MS4A4E: variants seen among roughly 807,000 people sequenced by gnomAD.
MS4A4E encodes the protein membrane spanning 4-domains A4E, also known as putative membrane-spanning 4-domains subfamily A member 4E.
A neutral mutation model predicts 13.3 loss-of-function variants in MS4A4E; 23 were observed. The observed-to-expected ratio is 1.73, with a 90% CI of 1.25 to 2.45. The LOEUF is 2.45. MS4A4E is among the 30% of genes most tolerant of loss of function. MS4A4E has a pLI of 0.00. For synonymous variants in MS4A4E, 36 were observed against 45.6 expected (o/e 0.79, Z 0.85); for missense variants, 144 against 131.2 (o/e 1.10, Z -0.48).
chr11:60,207,955 A>T (rs1443454121), intron 6 of MS4A4E, among the ~76,000 whole-genome samples: 1 of 152,190 alleles, frequency 6.6e-6, no homozygotes, highest in Non-Finnish European at 1.5e-5. Flanking sequence ...TTGTAATAGG[A>T]TAATAGAATA....
chr11:60,242,756 G>T (rs549890654), intron 1 of MS4A4E, among the ~76,000 whole-genome samples: 1 of 152,102 alleles, frequency 6.6e-6, no homozygotes, highest in Non-Finnish European at 1.5e-5. Flanking sequence ...CAACTGTAGC[G>T]AAGACTGTTC....
chr11:60,217,959 G>A (rs575521832), intron 3 of MS4A4E, among the ~76,000 whole-genome samples: 25 of 152,276 alleles, frequency 1.6e-4, no homozygotes, highest in East Asian at 1.2e-3. Context: ...TCTGACCACC[G>A]GTGAGCCGGG....
intron 6 of MS4A4E, among the ~76,000 whole-genome samples, chr11:60,208,126 C>T (rs2084071177): frequency 6.6e-6 from 1 of 152,162 alleles, no homozygotes; most frequent in Non-Finnish European, 1.5e-5. Context: ...TGATTCCCTT[C>T]TCTCAAGTGT....
At chr11:60,225,235 T>A (rs1394749980) in intron 3 of MS4A4E, 2 of 756,766 alleles carry the variant, frequency 2.6e-6, no homozygotes, top group Non-Finnish European at 3.8e-6. Context: ...ACTCTTTTTT[T>A]CACATAAAGA....
chr11:60,206,273 G>T (rs1396773635), intron 6 of MS4A4E, among the ~76,000 whole-genome samples: 2 of 151,608 alleles, frequency 1.3e-5, no homozygotes, highest in Admixed American at 6.6e-5. Flanking sequence ...TTGCCCTTCT[G>T]CTTCCAAATC....
chr11:60,212,287 T>A (rs189382381), intron 5 of MS4A4E, among the ~76,000 whole-genome samples: 7 of 151,854 alleles, frequency 4.6e-5, no homozygotes, highest in African/African-American at 1.7e-4. Flanking sequence ...TTTACTTTAT[T>A]ATTTGAGAAT....
intron 3 of MS4A4E, among the ~76,000 whole-genome samples, chr11:60,216,217 G>A (rs1267370067): frequency 6.6e-6 from 1 of 152,180 alleles, no homozygotes; most frequent in Non-Finnish European, 1.5e-5. Flanking sequence ...ACAAGAGTCT[G>A]AGTGATGACT....
At position 60,243,001 on chromosome 11, in the gene MS4A4E, A is replaced by G; in HGVS notation, c.-60T>C. On this transcript the variant is annotated 5_prime_UTR_variant, in exon 1 of 9. Coordinates refer to ENST00000651255, the MANE Select transcript of MS4A4E (RefSeq NM_001393391.1). Reference sequence around the variant, plus strand: ...TGTCTGCTGCAGGTCTGATGAGTGCAGGGCTCTGGGCAAGTTCCTCAAAGT... The same window carrying G: ...TGTCTGCTGCAGGTCTGATGAGTGCGGGGCTCTGGGCAAGTTCCTCAAAGT... 1 of 1,566,442 alleles carries G rather than the reference A, an allele frequency of 6.4e-7. No homozygotes were observed. Among genetic ancestry groups the G allele is most frequent in the Non-Finnish European group, 8.7e-7 (1 of 1,147,834 alleles).
At position 60,201,354 on chromosome 11, in the gene MS4A4E, C is replaced by T. The variant is rs1455074314; in HGVS notation, c.*189G>A. ...GCGGAGACGCTCCTCACTTCCCAGA[C>T]GGGGTGGCTGCCGGGCGGAGGGGCT... On this transcript the variant is annotated 3_prime_UTR_variant, in exon 9 of 9. Coordinates refer to ENST00000651255, the MANE Select transcript of MS4A4E (RefSeq NM_001393391.1). 68 of 178,848 alleles carry T rather than the reference C, an allele frequency of 3.8e-4. No individual in the cohort carries two copies. The highest frequency in any genetic ancestry group is 2.4e-3 in the South Asian group (23 of 9,538). The allele number at this position is 178,848 out of a possible 1,614,324, so 11.1% of individuals were successfully genotyped here. A position where few individuals can be genotyped will look rare whatever the true frequency, so the allele number is the denominator to read the frequency against.
chr11:60,201,061 G>T lies in MS4A4E; in HGVS notation c.*482C>A, dbSNP rs1202612997. 1.4e-5 allele frequency among the ~76,000 whole-genome samples: 2 copies of T among 144,272 alleles called. No homozygotes were observed. The highest frequency in any genetic ancestry group is 2.5e-5 in the African/African-American group (1 of 39,818). The allele number at this position is 144,272 out of a possible 152,430, so 94.6% of individuals were successfully genotyped here. A position where few individuals can be genotyped will look rare whatever the true frequency, so the allele number is the denominator to read the frequency against. ...TCCCAGACGTGGTGGCTGGCCGGGTGGGGGGCTGAACCCCCCACCTCCCTC... is the reference window on the plus strand; with the variant it reads ...TCCCAGACGTGGTGGCTGGCCGGGTTGGGGGCTGAACCCCCCACCTCCCTC... On this transcript the variant is annotated 3_prime_UTR_variant, in exon 9 of 9. Transcript: ENST00000651255.
rs532396302 is a variant in MS4A4E, at chr11:60,209,548, T to A, written c.382-854A>T. Among the ~76,000 whole-genome samples the A allele has an allele frequency of 2.0e-5, 3 of 152,342 alleles. No homozygotes were observed. In the East Asian group the frequency reaches 5.8e-4, roughly 29 times the overall value. ...ATTGTCTTGAGACACTAAATGATTT[T>A]ATATGGTTCTGCCTAATGATTTGTA... On this transcript the variant is annotated intron_variant, in intron 5 of 8. Transcript: ENST00000651255.
At chr11:60,210,244 T>G (rs1284356935) in intron 5 of MS4A4E, among the ~76,000 whole-genome samples, 1 of 152,240 alleles carries the variant, frequency 6.6e-6, no homozygotes, top group Non-Finnish European at 1.5e-5. Context: ...ATAGCATGTA[T>G]ATAGACCTGT....
At chr11:60,213,324 A>G (rs2084149235) in intron 4 of MS4A4E, 192 bp from the exon 5 acceptor site, 1 of 1,533,368 alleles carries the variant, frequency 6.5e-7, no homozygotes, top group Non-Finnish European at 8.7e-7. Context: ...TAAATTCTTC[A>G]GATAATTCCT....
intron 6 of MS4A4E, among the ~76,000 whole-genome samples, chr11:60,208,236 A>T (rs11230192): frequency 0.15 from 23,130 of 152,058 alleles, 2,029 homozygotes; most frequent in African/African-American, 0.23. Context: ...GATGGACCTC[A>T]CCTCTTCATG....
intron 1 of MS4A4E, among the ~76,000 whole-genome samples, chr11:60,235,870 T>A (rs1310390833): frequency 6.6e-6 from 1 of 152,206 alleles, no homozygotes; most frequent in Non-Finnish European, 1.5e-5. Flanking sequence ...TAGGTCTCAA[T>A]ATACCTAAAT....
Position 60,224,955 on chromosome 11 carries a change from C to A in MS4A4E, c.178+3639G>T, listed in dbSNP as rs1173920351. ...TTATATCCAATTATATCAAAAAATA[C>A]CCTGCTTACCATCACTGACCCCCAA... On this transcript the variant is annotated intron_variant, in intron 3 of 8. Transcript: ENST00000651255. 1.5e-5 allele frequency: 23 copies of A among 1,500,938 alleles called. No individual in the cohort carries two copies. The East Asian group carries it at 2.0e-4, about 13-fold the overall frequency. The allele number at this position is 1,500,938 out of a possible 1,614,324, so 93.0% of individuals were successfully genotyped here.
intron 8 of MS4A4E, among the ~76,000 whole-genome samples, chr11:60,202,095 T>C (rs1354367049): frequency 6.6e-6 from 1 of 152,168 alleles, no homozygotes; most frequent in African/African-American, 2.4e-5. Flanking sequence ...TACCAGCCAA[T>C]ACAAAGGCAA....
In MS4A4E at chr11:60,201,477, C is replaced by T. The variant is rs545290193; in HGVS notation, c.*66G>A. Reference sequence around the variant, plus strand: ...ACGCTCCTCACCTCCCAGACGGGGTCGCGGCCGGGCAGAGGTGCTCCTCAC... The same window carrying T: ...ACGCTCCTCACCTCCCAGACGGGGTTGCGGCCGGGCAGAGGTGCTCCTCAC... On this transcript the variant is annotated 3_prime_UTR_variant, in exon 9 of 9. Coordinates refer to ENST00000651255, the MANE Select transcript of MS4A4E (RefSeq NM_001393391.1). The T allele has an allele frequency of 5.5e-5, 11 of 201,352 alleles. No individual in the cohort carries two copies. The highest frequency in any genetic ancestry group is 2.0e-3 in the Middle Eastern group (1 of 488). 12.5% of individuals were successfully genotyped at this position (201,352 alleles called of 1,614,324 possible). A position where few individuals can be genotyped will look rare whatever the true frequency, so the allele number is the denominator to read the frequency against.
intron 5 of MS4A4E, 82 bp from the exon 6 acceptor site, chr11:60,208,776 G>A (rs1359885370): frequency 9.2e-6 from 5 of 540,982 alleles, no homozygotes; most frequent in Non-Finnish European, 1.6e-5. Flanking sequence ...AGTGTCATAA[G>A]AGAAAAAGCA....
Sources: allele counts gnomAD v4.1 joint callset (sites outside exome capture counted in the v4.1 genomes callset), GRCh38; gene constraint gnomAD v4.1.1; transcripts MANE v1.5; gene names NCBI Gene and HGNC (gene_info 2026-07-23, HGNC 2026-07-21).